The following SLC7A14 variants were observed in gnomAD, a reference collection of about 807,000 sequenced individuals.
SLC7A14 encodes solute carrier family 7 member 14.
A neutral mutation model predicts 60.2 loss-of-function variants in SLC7A14; 37 were observed. The ratio of observed to expected loss-of-function variants is 0.61; its 90% confidence interval spans 0.47 to 0.81. The LOEUF (loss-of-function observed/expected upper bound fraction) is 0.81. Ranked by LOEUF, SLC7A14 falls within the 30% of genes least tolerant of loss-of-function variation. The pLI, the probability that SLC7A14 is intolerant of heterozygous loss-of-function variation, is 0.00. For synonymous variants in SLC7A14, 399 were observed against 395.8 expected (o/e 1.01, Z -0.10); for missense variants, 886 against 982.7 (o/e 0.90, Z 1.32).
intron 1 of SLC7A14, chr3:170,570,422 C>T (rs1350687003): frequency 6.7e-6 from 1 of 148,914 alleles, no homozygotes; most frequent in African/African-American, 2.5e-5. Flanking sequence ...GTACTCTAGC[C>T]TCGGCAACAG....
chr3:170,501,924 A>C (rs1188978953), intron 2 of SLC7A14, among the ~76,000 whole-genome samples: 6 of 152,276 alleles, frequency 3.9e-5, no homozygotes. Flanking sequence ...TACCATGTGC[A>C]TGGCAGGGTG....
At chr3:170,497,015 C>A (rs1476249632) in intron 4 of SLC7A14, among the ~76,000 whole-genome samples, 1 of 145,964 alleles carries the variant, frequency 6.9e-6, no homozygotes, top group Non-Finnish European at 1.5e-5. Flanking sequence ...TCAGCCCACG[C>A]GCGGGGGAGT....
At chr3:170,537,070 C>G (rs913454649) in intron 1 of SLC7A14, among the ~76,000 whole-genome samples, 4 of 152,194 alleles carry the variant, frequency 2.6e-5, no homozygotes, top group African/African-American at 7.2e-5. Context: ...TCACATATCT[C>G]ACACAATTCC....
At chr3:170,493,178 G>A (rs1040892246) in intron 4 of SLC7A14, among the ~76,000 whole-genome samples, 1 of 152,248 alleles carries the variant, frequency 6.6e-6, no homozygotes, top group African/African-American at 2.4e-5. Flanking sequence ...AGGAATTGCA[G>A]ATGGAAGCAG....
intron 2 of SLC7A14, among the ~76,000 whole-genome samples, chr3:170,526,279 A>G (rs35126608): frequency 0.12 from 17,689 of 151,158 alleles, 1,633 homozygotes; most frequent in African/African-American, 0.25. Context: ...GCGGGCGCCT[A>G]TAATCCCAGC....
chr3:170,499,655 G>A (rs1490302184), intron 3 of SLC7A14, among the ~76,000 whole-genome samples: 3 of 152,114 alleles, frequency 2.0e-5, no homozygotes, highest in Non-Finnish European at 4.4e-5. Context: ...TGGTAAGAGG[G>A]GTTTTCTGTC....
At chr3:170,496,113 C>A in intron 4 of SLC7A14, 4 of 1,068,766 alleles carry the variant, frequency 3.7e-6, no homozygotes, top group Non-Finnish European at 5.8e-6. Context: ...CAGGCAACTG[C>A]ATGAAGAGGA....
intron 2 of SLC7A14, among the ~76,000 whole-genome samples, chr3:170,508,073 G>A (rs1712839723): frequency 2.0e-5 from 3 of 152,236 alleles, no homozygotes; most frequent in African/African-American, 7.2e-5. Flanking sequence ...AGCCTTAGCA[G>A]CTTTCTAATT....
In SLC7A14 at chr3:170,569,492, C is replaced by A. The variant is rs1577570243; in HGVS notation, c.-153+16419G>T. Among the ~76,000 whole-genome samples the A allele has an allele frequency of 1.3e-5, 2 of 151,580 alleles. 1 individual carries two copies. Among genetic ancestry groups the A allele is most frequent in the African/African-American group, 4.8e-5 (2 of 41,256 alleles). On this transcript the variant is annotated intron_variant, in intron 1 of 7. Coordinates refer to ENST00000231706, the MANE Select transcript of SLC7A14 (RefSeq NM_020949.3). ...ATTCTCTTTTTTGGTTGTGTCTCTG[C>A]CAGGCTTTGGTATCAGGATGATGCT... is the stretch of plus-strand genomic sequence containing the variant.
intron 1 of SLC7A14, among the ~76,000 whole-genome samples, chr3:170,538,736 C>T (rs1432454352): frequency 6.6e-6 from 1 of 152,228 alleles, no homozygotes; most frequent in Non-Finnish European, 1.5e-5. Context: ...AGCCCCTGCC[C>T]TCCAGGAGCT....
chr3:170,525,647 A>G (rs1012850674), intron 2 of SLC7A14, among the ~76,000 whole-genome samples: 9 of 151,984 alleles, frequency 5.9e-5, no homozygotes, highest in African/African-American at 2.2e-4. Flanking sequence ...CTGTCCCTCA[A>G]GAGGATTGAC....
chr3:170,500,318 A>G (rs767058539), intron 3 of SLC7A14, among the ~76,000 whole-genome samples: 1 of 151,982 alleles, frequency 6.6e-6, no homozygotes, highest in Non-Finnish European at 1.5e-5. Flanking sequence ...GCTGAGTAGT[A>G]ATCCCAGCTA....
rs574753806 is a variant in SLC7A14 at position 170,459,736 on chromosome 3, C to T, written c.*7319G>A. On this transcript the variant is annotated 3_prime_UTR_variant, in exon 8 of 8. Coordinates refer to ENST00000231706, the MANE Select transcript of SLC7A14 (RefSeq NM_020949.3). ...CCATTTAAGAATGGAAAAAAAGTAACAGACTTCAGATACTGGTTAAGGTTA... is the reference window on the plus strand; with the variant it reads ...CCATTTAAGAATGGAAAAAAAGTAATAGACTTCAGATACTGGTTAAGGTTA... The T allele has an allele frequency of 6.6e-6, 1 of 152,092 alleles. No homozygotes were observed. Among genetic ancestry groups the T allele is most frequent in the Non-Finnish European group, 1.5e-5 (1 of 67,992 alleles). 9.4% of individuals were successfully genotyped at this position (152,092 alleles called of 1,614,324 possible).
rs563336565 is a variant in SLC7A14 at position 170,513,634 on chromosome 3, A to T, written c.305-12289T>A. Among the ~76,000 whole-genome samples, 36 of 152,378 alleles carry T rather than the reference A, an allele frequency of 2.4e-4. No individual in the cohort carries two copies. In the South Asian group the frequency reaches 7.3e-3, roughly 31 times the overall value. ...ATAGTATATAAAATGTCTATGTTGCATGTTAGCAAATAATTGCTTTTCACA... is the reference window on the plus strand; with the variant it reads ...ATAGTATATAAAATGTCTATGTTGCTTGTTAGCAAATAATTGCTTTTCACA... On this transcript the variant is annotated intron_variant, in intron 2 of 7. Transcript: ENST00000231706.
intron 7 of SLC7A14, among the ~76,000 whole-genome samples, chr3:170,473,743 C>A (rs1268170196): frequency 6.6e-6 from 1 of 151,998 alleles, no homozygotes; most frequent in African/African-American, 2.4e-5. Context: ...AACAACAAGG[C>A]TTGTTTAATA....
chr3:170,557,343 T>C (rs1161828090), intron 1 of SLC7A14, among the ~76,000 whole-genome samples: 1 of 152,086 alleles, frequency 6.6e-6, no homozygotes, highest in Non-Finnish European at 1.5e-5. Flanking sequence ...GAGCCTGGTC[T>C]CCAGAAAGCA....
intron 1 of SLC7A14, among the ~76,000 whole-genome samples, chr3:170,583,686 A>G (rs193201692): frequency 6.6e-6 from 1 of 152,270 alleles, no homozygotes; most frequent in East Asian, 1.9e-4. Context: ...ATGAAAGTAC[A>G]TGTGGACTCT....
rs1270823077 is a variant in SLC7A14 at position 170,459,602 on chromosome 3, A to G, written c.*7453T>C. 6.6e-6 allele frequency: 1 copy of G among 152,190 alleles called. No homozygotes were observed. Among genetic ancestry groups the G allele is most frequent in the Non-Finnish European group, 1.5e-5 (1 of 68,018 alleles). The allele number at this position is 152,190 out of a possible 1,614,324, so 9.4% of individuals were successfully genotyped here. A position where few individuals can be genotyped will look rare whatever the true frequency, so the allele number is the denominator to read the frequency against. ...TTAGCTGTACTTTTTAAAATGTTTTATTCTGAAAATGAATTTTCCACAATA... is the reference window on the plus strand; with the variant it reads ...TTAGCTGTACTTTTTAAAATGTTTTGTTCTGAAAATGAATTTTCCACAATA... On this transcript the variant is annotated 3_prime_UTR_variant, in exon 8 of 8. Transcript: ENST00000231706.
At chr3:170,527,842 C>A (rs569623142) in intron 1 of SLC7A14, among the ~76,000 whole-genome samples, 3 of 152,144 alleles carry the variant, frequency 2.0e-5, no homozygotes, top group Non-Finnish European at 2.9e-5. Flanking sequence ...CTGAGCCTGT[C>A]AACTCACTCT....
Sources: gnomAD v4.1 joint callset for allele counts (sites outside exome capture counted in the v4.1 genomes callset) on GRCh38, gnomAD v4.1.1 for gene constraint, MANE v1.5 for transcripts, NCBI Gene and HGNC (gene_info 2026-07-23, HGNC 2026-07-21) for gene names.